Variants in COL15A1 observed in about 807,000 individuals in gnomAD.
COL15A1 encodes collagen type XV alpha 1 chain.
Under a neutral mutation model 165.9 loss-of-function variants are expected in COL15A1, and 111 were observed. That is an observed-to-expected ratio of 0.67 (90% CI 0.57 to 0.78). The LOEUF is 0.78. Ranked by LOEUF, COL15A1 falls within the 30% of genes least tolerant of loss-of-function variation. The pLI is 0.00. For synonymous variants in COL15A1, 659 were observed against 674.8 expected (o/e 0.98, Z 0.36); for missense variants, 1,745 against 1,789.7 (o/e 0.98, Z 0.45).
chr9:99,050,494 G>T (rs1047513023), intron 30 of COL15A1, among the ~76,000 whole-genome samples: 2 of 152,170 alleles, frequency 1.3e-5, no homozygotes, highest in Non-Finnish European at 2.9e-5. Context: ...GAGGGGTCAG[G>T]CACTTGCCCG....
At chr9:99,034,654 A>G in intron 17 of COL15A1, 70 bp downstream of exon 17, 1 of 1,359,760 alleles carries the variant, frequency 7.4e-7, no homozygotes, top group African/African-American at 1.6e-5. Context: ...TGAGTTTACT[A>G]TAATTGGACT....
chr9:98,956,362 C>G (rs750196204), intron 2 of COL15A1, among the ~76,000 whole-genome samples: 1 of 152,070 alleles, frequency 6.6e-6, no homozygotes, highest in Non-Finnish European at 1.5e-5. Flanking sequence ...ACAGTATGAT[C>G]TGTGCTAATA....
intron 39 of COL15A1, among the ~76,000 whole-genome samples, chr9:99,064,599 A>G (rs1272805013): frequency 1.3e-5 from 2 of 152,198 alleles, no homozygotes; most frequent in African/African-American, 4.8e-5. Context: ...CAAAACTGAA[A>G]AGGAACTGAT....
intron 36 of COL15A1, among the ~76,000 whole-genome samples, chr9:99,060,562 A>G (rs1825799738): frequency 6.6e-6 from 1 of 150,900 alleles, no homozygotes; most frequent in African/African-American, 2.4e-5. Flanking sequence ...ACGAGCCACC[A>G]CGCCTGGCCA....
At chr9:98,957,420 T>C (rs1256380419) in intron 2 of COL15A1, among the ~76,000 whole-genome samples, 5 of 152,186 alleles carry the variant, frequency 3.3e-5, no homozygotes. Flanking sequence ...AACTGTAAGA[T>C]AAAAAAACTT....
chr9:98,957,663 T>TTCTCTCTC lies in COL15A1; in HGVS notation c.100+13425_100+13432dup, dbSNP rs148586804. On this transcript the variant is annotated intron_variant, in intron 2 of 41. Transcript: ENST00000375001. ...TCTGAAAAAACCAGACTAGGGTTAT[T>TTCTCTCTC]TCTCTCTCTCTCTCTCTCTTTGTGT... 4.0e-5 allele frequency among the ~76,000 whole-genome samples: 6 copies of TTCTCTCTC among 150,052 alleles called. No individual in the cohort carries two copies. The East Asian group carries it at 1.2e-3, about 29-fold the overall frequency.
chr9:98,995,300 C>T (rs906880990), intron 5 of COL15A1, among the ~76,000 whole-genome samples: 9 of 152,170 alleles, frequency 5.9e-5, no homozygotes, highest in South Asian at 2.1e-4. Context: ...TCTGCTCCCA[C>T]TGCTGCCCTG....
intron 12 of COL15A1, 47 bp downstream of exon 12, chr9:99,020,489 T>C (rs1294895068): frequency 1.5e-6 from 2 of 1,326,466 alleles, no homozygotes; most frequent in Non-Finnish European, 2.2e-6. Flanking sequence ...CCTGATCAAG[T>C]GTCCTGAACA....
chr9:99,005,495 A>C (rs995012670), intron 9 of COL15A1, among the ~76,000 whole-genome samples: 1 of 152,064 alleles, frequency 6.6e-6, no homozygotes, highest in African/African-American at 2.4e-5. Flanking sequence ...ACATCATCCC[A>C]AGGCACTTGG....
chr9:99,017,774 C>A (rs1298465661), intron 11 of COL15A1, among the ~76,000 whole-genome samples: 1 of 152,170 alleles, frequency 6.6e-6, no homozygotes, highest in East Asian at 1.9e-4. Flanking sequence ...CCTAGTGATG[C>A]CACATCGGGC....
At chr9:98,960,124 A>G (rs1328131734) in intron 2 of COL15A1, among the ~76,000 whole-genome samples, 1 of 152,154 alleles carries the variant, frequency 6.6e-6, no homozygotes, top group Non-Finnish European at 1.5e-5. Flanking sequence ...ACAGAGTCCC[A>G]AGGCCGGGCA....
intron 9 of COL15A1, among the ~76,000 whole-genome samples, chr9:99,007,298 GAT>G (rs1181689638): frequency 6.6e-6 from 1 of 152,158 alleles, no homozygotes; most frequent in African/African-American, 2.4e-5. Context: ...TATCTTAGTA[GAT>G]ACCTTTTAAA....
intron 2 of COL15A1, among the ~76,000 whole-genome samples, chr9:98,946,974 C>A (rs1193684276): frequency 1.3e-5 from 2 of 152,312 alleles, no homozygotes; most frequent in African/African-American, 4.8e-5. Context: ...AATACATGTT[C>A]CCAACGATTT....
intron 2 of COL15A1, among the ~76,000 whole-genome samples, chr9:98,957,858 C>CT (rs375703469): frequency 2.6e-5 from 4 of 151,696 alleles, no homozygotes; most frequent in African/African-American, 7.3e-5. Context: ...TTTCTATCTT[C>CT]TTTTTTTTTC....
Position 99,028,231 on chromosome 9 carries a change from G to GA in COL15A1, c.2043+2272dup, listed in dbSNP as rs34554510. ...GAATAAGGTTCAGGTTATTTAGCTGGAAAAAAATGTTTTTTATATAATAAT... is the reference window on the plus strand; with the variant it reads ...GAATAAGGTTCAGGTTATTTAGCTGGAAAAAAAATGTTTTTTATATAATAAT... On this transcript the variant is annotated intron_variant, in intron 16 of 41. Transcript: ENST00000375001. Among the ~76,000 whole-genome samples the GA allele has an allele frequency of 7.2e-5, 11 of 151,984 alleles. No homozygotes were observed. The East Asian group carries it at 1.5e-3, about 21-fold the overall frequency.
At chr9:98,956,635 T>A (rs1837780196) in intron 2 of COL15A1, among the ~76,000 whole-genome samples, 2 of 152,200 alleles carry the variant, frequency 1.3e-5, no homozygotes, top group Non-Finnish European at 2.9e-5. Flanking sequence ...CAGGTCTGTC[T>A]CCCAGCCTCC....
intron 2 of COL15A1, among the ~76,000 whole-genome samples, chr9:98,978,860 CT>C (rs1290675776): frequency 6.6e-6 from 1 of 152,128 alleles, no homozygotes; most frequent in East Asian, 1.9e-4. Context: ...GCTTCCTTCC[CT>C]GGAGACAACC....
intron 26 of COL15A1, among the ~76,000 whole-genome samples, chr9:99,046,714 T>G (rs1386942431): frequency 6.6e-6 from 1 of 152,208 alleles, no homozygotes; most frequent in Non-Finnish European, 1.5e-5. Flanking sequence ...ATGATTCGAT[T>G]ACCTCCCACC....
rs190931508 is a variant in COL15A1, at chr9:99,066,410, C to T, written c.3652-472C>T. Among the ~76,000 whole-genome samples the T allele has an allele frequency of 3.0e-4, 46 of 152,214 alleles. 1 individual carries two copies. Among genetic ancestry groups the T allele is most frequent in the Admixed American group, 2.8e-3 (43 of 15,290 alleles). On this transcript the variant is annotated intron_variant, in intron 39 of 41. Coordinates refer to ENST00000375001, the MANE Select transcript of COL15A1 (RefSeq NM_001855.5). ...TCTCCCAGATCCCTCATGTGATCAGCCCCAGGCCTATCCAGGAGATGGAAG... is the reference window on the plus strand; with the variant it reads ...TCTCCCAGATCCCTCATGTGATCAGTCCCAGGCCTATCCAGGAGATGGAAG...
Sources: gnomAD v4.1 joint callset for allele counts (sites outside exome capture counted in the v4.1 genomes callset) on GRCh38, gnomAD v4.1.1 for gene constraint, MANE v1.5 for transcripts, NCBI Gene and HGNC (gene_info 2026-07-23, HGNC 2026-07-21) for gene names.